Variants in PALS2 observed in about 807,000 individuals in gnomAD.
PALS2 encodes protein PALS2.
Under a neutral mutation model 61.6 loss-of-function variants are expected in PALS2, and 27 were observed. The observed-to-expected ratio is 0.44, with a 90% CI of 0.32 to 0.60. PALS2 has a LOEUF of 0.60. PALS2 is among the 20% of genes least tolerant of loss of function. The pLI, the probability that PALS2 is intolerant of heterozygous loss-of-function variation, is 0.05. For missense variants in PALS2, 554 were observed against 639.4 expected (o/e 0.87, Z 1.44); for synonymous variants, 236 against 218.6 (o/e 1.08, Z -0.70).
At chr7:24,654,814 G>A (rs1358351282) in intron 5 of PALS2, among the ~76,000 whole-genome samples, 2 of 152,184 alleles carry the variant, frequency 1.3e-5, no homozygotes, top group African/African-American at 4.8e-5. Context: ...ATATTGTGAT[G>A]TTGGCATAGG....
intron 2 of PALS2, among the ~76,000 whole-genome samples, chr7:24,627,066 C>T (rs1169462699): frequency 6.6e-6 from 1 of 152,202 alleles, no homozygotes; most frequent in Non-Finnish European, 1.5e-5. Flanking sequence ...ACAGAATATA[C>T]ATTCCTCTCA....
At chr7:24,686,658 C>T (rs1421485232) in intron 11 of PALS2, among the ~76,000 whole-genome samples, 1 of 152,158 alleles carries the variant, frequency 6.6e-6, no homozygotes, top group Non-Finnish European at 1.5e-5. Context: ...TCCACTTTAT[C>T]TCCTCCACTA....
At chr7:24,677,583 G>T (rs1186930966) in intron 9 of PALS2, among the ~76,000 whole-genome samples, 23 of 151,940 alleles carry the variant, frequency 1.5e-4, no homozygotes, top group Admixed American at 1.4e-3. Flanking sequence ...TAGCATGAAG[G>T]GCTGTTGAAT....
intron 1 of PALS2, among the ~76,000 whole-genome samples, chr7:24,614,637 G>T (rs550542471): frequency 1.3e-5 from 2 of 151,946 alleles, no homozygotes; most frequent in East Asian, 3.9e-4. Context: ...TACAATAATA[G>T]TTGGAAACTT....
intron 2 of PALS2, 195 bp downstream of exon 2, chr7:24,623,979 A>G: frequency 9.2e-7 from 1 of 1,087,296 alleles, no homozygotes; most frequent in Non-Finnish European, 1.3e-6. Flanking sequence ...CTGACTTTAA[A>G]TACAGGATGA....
chr7:24,580,280 A>G (rs762310210), intron 1 of PALS2, among the ~76,000 whole-genome samples: 8 of 152,206 alleles, frequency 5.3e-5, no homozygotes, highest in Non-Finnish European at 8.8e-5. Flanking sequence ...GAGCTATCCT[A>G]CGCTAAAGGA....
At chr7:24,665,920 A>G in intron 7 of PALS2, 101 bp from the exon 8 acceptor site, 2 of 1,195,020 alleles carry the variant, frequency 1.7e-6, no homozygotes, top group Non-Finnish European at 2.4e-6. Flanking sequence ...CTAGGATGCC[A>G]CATTGGGGAG....
At chr7:24,644,769 T>C (rs1168126340) in intron 3 of PALS2, among the ~76,000 whole-genome samples, 1 of 152,070 alleles carries the variant, frequency 6.6e-6, no homozygotes, top group Non-Finnish European at 1.5e-5. Context: ...ACCAAGAAGG[T>C]ACGAGTGTTC....
chr7:24,652,356 G>T (rs867075445), intron 5 of PALS2, among the ~76,000 whole-genome samples: 4 of 152,078 alleles, frequency 2.6e-5, no homozygotes, highest in African/African-American at 9.7e-5. Flanking sequence ...TGCATCTGGT[G>T]AACTAACTGA....
chr7:24,647,298 G>A (rs978978818), intron 3 of PALS2, among the ~76,000 whole-genome samples: 9 of 151,912 alleles, frequency 5.9e-5, no homozygotes, highest in African/African-American at 2.2e-4. Flanking sequence ...GCAGTCACGT[G>A]CCGTGACACC....
intron 11 of PALS2, among the ~76,000 whole-genome samples, chr7:24,682,421 G>A (rs1787981985): frequency 6.6e-6 from 1 of 152,172 alleles, no homozygotes; most frequent in Admixed American, 6.5e-5. Context: ...ATTCCGTCCT[G>A]CAAACTCTTG....
intron 1 of PALS2, among the ~76,000 whole-genome samples, chr7:24,590,363 A>G (rs1017095539): frequency 6.6e-6 from 1 of 152,118 alleles, no homozygotes; most frequent in Non-Finnish European, 1.5e-5. Flanking sequence ...TGTGCAGCCC[A>G]GTTAGAGGAC....
In PALS2 at chr7:24,649,786, C is replaced by T. The variant is rs367903049; in HGVS notation, c.423+22C>T. The T allele has an allele frequency of 1.9e-6, 3 of 1,545,532 alleles. No individual in the cohort carries two copies. In the African/African-American group the frequency reaches 4.2e-5, roughly 22 times the overall value. On this transcript the variant is annotated intron_variant, in intron 4 of 11. Coordinates refer to ENST00000222644, the MANE Select transcript of PALS2 (RefSeq NM_001303037.2). Reference sequence around the variant, plus strand: ...ACTGGTGAGTACAGATAAATCAGTACCCTATTAAATCTGAAATATGACATA... The same window carrying T: ...ACTGGTGAGTACAGATAAATCAGTATCCTATTAAATCTGAAATATGACATA...
intron 5 of PALS2, among the ~76,000 whole-genome samples, chr7:24,660,551 C>G (rs1158474149): frequency 6.6e-6 from 1 of 152,082 alleles, no homozygotes; most frequent in Non-Finnish European, 1.5e-5. Flanking sequence ...CAAACACACA[C>G]ACACACACAC....
intron 1 of PALS2, among the ~76,000 whole-genome samples, chr7:24,590,964 C>G (rs1783262771): frequency 1.3e-5 from 2 of 151,670 alleles, no homozygotes; most frequent in African/African-American, 4.8e-5. Flanking sequence ...GCAAGCCTTT[C>G]TTATCTGTTT....
At position 24,681,931 on chromosome 7, in the gene PALS2, A is replaced by T. The variant is rs75723869; in HGVS notation, c.1446+1411A>T. ...CTGAACGTATGAAACATAGTGTTTA[A>T]TGTCTTTGCAGGTTCTAACATTTGA... On this transcript the variant is annotated intron_variant, in intron 11 of 11. Transcript: ENST00000222644. 7.2e-3 allele frequency among the ~76,000 whole-genome samples: 1,099 copies of T among 152,228 alleles called. 32 individuals carry two copies. The East Asian group carries it at 0.095, about 13-fold the overall frequency.
At chr7:24,624,795 AG>A (rs1395164102) in intron 2 of PALS2, among the ~76,000 whole-genome samples, 2 of 151,524 alleles carry the variant, frequency 1.3e-5, no homozygotes, top group East Asian at 1.9e-4. Flanking sequence ...TTAGTAGAGG[AG>A]GGGTTTCACC....
At chr7:24,657,359 A>G (rs1380197415) in intron 5 of PALS2, among the ~76,000 whole-genome samples, 2 of 152,172 alleles carry the variant, frequency 1.3e-5, no homozygotes, top group African/African-American at 4.8e-5. Flanking sequence ...ATTACTCTAC[A>G]TTTTGGGCAA....
At chr7:24,649,001 G>A (rs747534117) in intron 3 of PALS2, among the ~76,000 whole-genome samples, 22 of 151,610 alleles carry the variant, frequency 1.5e-4, no homozygotes, top group Non-Finnish European at 2.6e-4. Flanking sequence ...AAAAAAATAC[G>A]TTATATTCGG....
Sources: allele counts gnomAD v4.1 joint callset (sites outside exome capture counted in the v4.1 genomes callset), GRCh38; gene constraint gnomAD v4.1.1; transcripts MANE v1.5; gene names NCBI Gene and HGNC (gene_info 2026-07-23, HGNC 2026-07-21).